LPP: variants seen among roughly 807,000 people sequenced by gnomAD.
The protein encoded by LPP is LIM domain containing preferred translocation partner in lipoma, also known as lipoma-preferred partner.
LPP carries 38 observed loss-of-function variants against 60.4 expected under a neutral mutation model. The ratio of observed to expected loss-of-function variants is 0.63; its 90% CI spans 0.49 to 0.83. LPP has a LOEUF of 0.83. LPP is among the 40% of genes least tolerant of loss of function. The pLI, the probability that LPP is intolerant of heterozygous loss-of-function variation, is 0.00. For missense variants in LPP, 902 were observed against 783.6 expected, an observed-to-expected ratio of 1.15 and a Z score of -1.80; for synonymous variants, 328 against 290.8, an observed-to-expected ratio of 1.13 and a Z score of -1.30.
intron 1 of LPP, among the ~76,000 whole-genome samples, chr3:188,190,490 G>A (rs1560096995): frequency 1.3e-5 from 2 of 152,148 alleles, no homozygotes; most frequent in South Asian, 2.1e-4. Context: ...TTCCTTTCAC[G>A]CTCTAACTGT....
At chr3:188,682,267 A>C (rs1859700553) in intron 7 of LPP, among the ~76,000 whole-genome samples, 1 of 152,238 alleles carries the variant, frequency 6.6e-6, no homozygotes, top group Non-Finnish European at 1.5e-5. Flanking sequence ...AATTGTTTCC[A>C]ATTTTAAATT....
chr3:188,760,308 C>T (rs1731761567), intron 9 of LPP, 26 bp downstream of exon 9: 1 of 1,613,150 alleles, frequency 6.2e-7, no homozygotes, highest in African/African-American at 1.3e-5. Flanking sequence ...GTTCCTCAAG[C>T]ACTTTGCAAA....
intron 6 of LPP, among the ~76,000 whole-genome samples, chr3:188,570,477 A>T (rs1317322559): frequency 6.6e-6 from 1 of 152,104 alleles, no homozygotes. Context: ...AGTAATTGCA[A>T]GGCATAAAAT....
intron 2 of LPP, among the ~76,000 whole-genome samples, chr3:188,262,482 C>T (rs1734002568): frequency 6.6e-6 from 1 of 151,996 alleles, no homozygotes; most frequent in Non-Finnish European, 1.5e-5. Flanking sequence ...GCTATCAGAC[C>T]TCAAGTTTTA....
rs548178223 is a variant in LPP, at chr3:188,370,821, T to A, written c.-10+29102T>A. Among the ~76,000 whole-genome samples the A allele has an allele frequency of 1.1e-3, 175 of 152,330 alleles. 1 individual carries two copies. The highest frequency in any genetic ancestry group is 0.011 in the South Asian group (52 of 4,824). The stretch of plus-strand genomic sequence containing the variant: ...TGTTTCAAGCTGTGGCTCTTTCACT[T>A]TCTACATGGCATATGGACCCTGATT... On this transcript the variant is annotated intron_variant, in intron 3 of 11. Coordinates refer to ENST00000617246, the MANE Select transcript of LPP (RefSeq NM_001375462.1).
chr3:188,356,510 G>A (rs6781036), intron 3 of LPP, among the ~76,000 whole-genome samples: 5 of 152,092 alleles, frequency 3.3e-5, no homozygotes, highest in Admixed American at 1.3e-4. Flanking sequence ...TCTGCTATTC[G>A]CTTGTTAAAA....
intron 7 of LPP, among the ~76,000 whole-genome samples, chr3:188,707,649 G>T (rs1865750154): frequency 6.6e-6 from 1 of 152,190 alleles, no homozygotes; most frequent in African/African-American, 2.4e-5. Flanking sequence ...TACTCGATAA[G>T]ATTTATCTCA....
chr3:188,609,481 C>T lies in LPP; in HGVS notation c.750C>T (p.Gly250=), dbSNP rs780117980. Residue 250 remains glycine (G), a synonymous_variant, in exon 7 of 12, where the codon GGC becomes GGT. Transcript: ENST00000617246. The surrounding 1 kb of genome is among the most constrained non-coding windows in gnomAD (Gnocchi z 6.9). ...AAATTTATGGCTCAGGGCCCCAGGG[C>T]TATAACACTCAGCCAGTTCCTGTCT... ...SGQIYGSGPQ[G]YNTQPVPVSG... The T allele has an allele frequency of 1.6e-5, 26 of 1,614,196 alleles. No individual in the cohort carries two copies. Among genetic ancestry groups the T allele is most frequent in the East Asian group, 2.2e-5 (1 of 44,872 alleles).
chr3:188,477,392 TG>T lies in LPP; in HGVS notation c.194-7197del, dbSNP rs1803515985. Reference sequence around the variant, plus strand: ...TTCCTTGTCAGAGAGAAGGGCAGAGTGGGACAGGAAAAGAGCTTGAAAAGGT... The same window carrying T: ...TTCCTTGTCAGAGAGAAGGGCAGAGTGGACAGGAAAAGAGCTTGAAAAGGT... On this transcript the variant is annotated intron_variant, in intron 4 of 11. Coordinates refer to ENST00000617246, the MANE Select transcript of LPP (RefSeq NM_001375462.1). Among the ~76,000 whole-genome samples the T allele has an allele frequency of 2.0e-5, 3 of 151,934 alleles. No homozygotes were observed. The South Asian group carries it at 6.2e-4, about 32-fold the overall frequency.
chr3:188,519,046 G>A (rs1273828487), intron 5 of LPP, among the ~76,000 whole-genome samples: 4 of 152,072 alleles, frequency 2.6e-5, no homozygotes, highest in African/African-American at 9.7e-5. Flanking sequence ...GTTAGTTCAG[G>A]CAAAGATCAT....
chr3:188,183,239 T>G (rs1725643404), intron 1 of LPP, among the ~76,000 whole-genome samples: 1 of 152,136 alleles, frequency 6.6e-6, no homozygotes, highest in Non-Finnish European at 1.5e-5. Flanking sequence ...GAGTATCCTT[T>G]CCATTCCCCC....
At chr3:188,360,508 T>C (rs750807992) in intron 3 of LPP, among the ~76,000 whole-genome samples, 1 of 152,088 alleles carries the variant, frequency 6.6e-6, no homozygotes, top group Non-Finnish European at 1.5e-5. Flanking sequence ...TGATATCCTG[T>C]CTGAATTACA....
intron 5 of LPP, among the ~76,000 whole-genome samples, chr3:188,510,744 A>G (rs1815215833): frequency 6.6e-6 from 1 of 152,200 alleles, no homozygotes; most frequent in Non-Finnish European, 1.5e-5. Context: ...TGCCAAGTAC[A>G]CTTGCACATT....
chr3:188,545,871 C>T (rs1463020324), intron 6 of LPP, among the ~76,000 whole-genome samples: 1 of 152,088 alleles, frequency 6.6e-6, no homozygotes, highest in African/African-American at 2.4e-5. Flanking sequence ...TTAGTCTCCA[C>T]CTTTGTTGTT....
chr3:188,501,233 GT>G (rs1187985047), intron 5 of LPP, among the ~76,000 whole-genome samples: 4 of 151,972 alleles, frequency 2.6e-5, no homozygotes, highest in African/African-American at 9.7e-5. Context: ...TTTCCCATAC[GT>G]TTGGTATGTT....
At chr3:188,198,259 C>G (rs1730092662) in intron 1 of LPP, among the ~76,000 whole-genome samples, 1 of 152,110 alleles carries the variant, frequency 6.6e-6, no homozygotes, top group Non-Finnish European at 1.5e-5. Context: ...GAGCTGAATT[C>G]AGGCCAGTGG....
intron 8 of LPP, among the ~76,000 whole-genome samples, chr3:188,754,047 A>G (rs2150369306): frequency 6.6e-6 from 1 of 152,328 alleles, no homozygotes; most frequent in Middle Eastern, 3.4e-3. Flanking sequence ...GTCCCAAGAA[A>G]ATAGTGAGAA....
At chr3:188,197,073 T>C (rs1038879780) in intron 1 of LPP, among the ~76,000 whole-genome samples, 3 of 152,234 alleles carry the variant, frequency 2.0e-5, no homozygotes. Context: ...AAGTGATATT[T>C]GTTGAGCAAA....
chr3:188,804,243 T>TA (rs1553853278), intron 9 of LPP, among the ~76,000 whole-genome samples: 7 of 37,698 alleles, frequency 1.9e-4, no homozygotes, highest in African/African-American at 5.7e-4. Flanking sequence ...TAGTGCATCT[T>TA]TATATATATA....
Sources: allele counts gnomAD v4.1 joint callset (sites outside exome capture counted in the v4.1 genomes callset), GRCh38; gene constraint gnomAD v4.1.1; non-coding constraint Gnocchi (gnomAD v3.1); transcripts MANE v1.5; gene names NCBI Gene and HGNC (gene_info 2026-07-23, HGNC 2026-07-21).